The following KANK1 variants were observed in gnomAD, a reference collection of about 807,000 sequenced individuals.
KANK1 encodes the protein KN motif and ankyrin repeat domains 1.
In KANK1, 109 loss-of-function variants were observed where a neutral mutation model predicts 106.2. The ratio of observed to expected loss-of-function variants is 1.03; its 90% CI spans 0.88 to 1.20. KANK1 has a LOEUF of 1.20. Ranked by LOEUF, KANK1 falls within the 50% of genes most tolerant of loss-of-function variation. The probability of loss-of-function intolerance (pLI) is 0.00; values close to 1 mark genes in which losing one functional copy is unlikely to be tolerated. For missense variants in KANK1, 2,399 were observed against 1,710.7 expected, an observed-to-expected ratio of 1.40 and a Z score of -7.10; for synonymous variants, 873 against 652.2, an observed-to-expected ratio of 1.34 and a Z score of -5.16.
intron 7 of KANK1, chr9:735,751 C>T (rs770336765): frequency 2.5e-5 from 11 of 438,368 alleles, no homozygotes; most frequent in African/African-American, 1.4e-4. Flanking sequence ...CCCAACACTT[C>T]GGGAGGCCGA....
At chr9:732,702 A>G in intron 6 of KANK1, 85 bp downstream of exon 6, 2 of 1,472,324 alleles carry the variant, frequency 1.4e-6, no homozygotes, top group Non-Finnish European at 1.9e-6. Flanking sequence ...GAGCTTTTGT[A>G]ATTAAATGTT....
rs553214010 is a variant in KANK1, at chr9:551,397, T to A, written c.-84+46643T>A. Among the ~76,000 whole-genome samples, 67 of 152,188 alleles carry A rather than the reference T, an allele frequency of 4.4e-4. No homozygotes were observed. In the South Asian group the frequency reaches 0.013, roughly 29 times the overall value. On this transcript the variant is annotated intron_variant, in intron 1 of 11. Coordinates refer to ENST00000382297, the MANE Select transcript of KANK1 (RefSeq NM_015158.5). ...TTTTGAATCTGAAGTTAGCTGTCAGTTTAAATTCAGAGGGTCCGCAGTTGT... is the reference window on the plus strand; with the variant it reads ...TTTTGAATCTGAAGTTAGCTGTCAGATTAAATTCAGAGGGTCCGCAGTTGT...
At chr9:566,689 T>G (rs1414478301) in intron 1 of KANK1, among the ~76,000 whole-genome samples, 1 of 152,204 alleles carries the variant, frequency 6.6e-6, no homozygotes, top group Non-Finnish European at 1.5e-5. Flanking sequence ...TGCCTTTGCC[T>G]ACTTTTTAAT....
intron 7 of KANK1, among the ~76,000 whole-genome samples, chr9:737,642 C>T (rs1384027435): frequency 6.6e-6 from 1 of 152,080 alleles, no homozygotes; most frequent in Non-Finnish European, 1.5e-5. Context: ...ACGGGGTTCC[C>T]TTTTATTTTC....
At chr9:644,168 A>G (rs1307139287) in intron 1 of KANK1, among the ~76,000 whole-genome samples, 1 of 150,938 alleles carries the variant, frequency 6.6e-6, no homozygotes, top group Non-Finnish European at 1.5e-5. Context: ...AATCTCTATA[A>G]CAGAGGAAGC....
At chr9:637,592 C>G (rs1435645240) in intron 1 of KANK1, among the ~76,000 whole-genome samples, 1 of 152,112 alleles carries the variant, frequency 6.6e-6, no homozygotes, top group Non-Finnish European at 1.5e-5. Flanking sequence ...TGTTAAGTTC[C>G]CAGATGATGC....
At chr9:609,425 C>T (rs1328139371) in intron 1 of KANK1, among the ~76,000 whole-genome samples, 67 of 152,160 alleles carry the variant, frequency 4.4e-4, no homozygotes, top group African/African-American at 1.5e-3. Context: ...GTCAGGAGTT[C>T]AAAACCAGCC....
chr9:570,500 C>G (rs140680695), intron 1 of KANK1, among the ~76,000 whole-genome samples: 247 of 152,286 alleles, frequency 1.6e-3, no homozygotes, highest in African/African-American at 5.6e-3. Context: ...CTCTGAGGTA[C>G]TCTTACCAGA....
intron 1 of KANK1, among the ~76,000 whole-genome samples, chr9:608,542 C>T (rs1485817617): frequency 6.6e-6 from 1 of 151,824 alleles, no homozygotes; most frequent in Non-Finnish European, 1.5e-5. Context: ...AGGGCATTTA[C>T]ATGTGGGAAC....
chr9:732,408 C>T lies in KANK1; in HGVS notation c.3036C>T (p.Ser1012=). The T allele has an allele frequency of 6.2e-7, 1 of 1,614,010 alleles. No individual in the cohort carries two copies. Among genetic ancestry groups the T allele is most frequent in the Non-Finnish European group, 8.5e-7 (1 of 1,179,888 alleles). The change falls in exon 6 of 12, where the codon AGC becomes AGT. Residue 1012 remains serine (S), a synonymous_variant. Transcript: ENST00000382297. ...AAACAACTTCAAGTGATGATTCCAG[C>T]TCAGATGAAAGCTCTTCTTCCGAGT... is the stretch of plus-strand genomic sequence containing the variant. The part of the protein sequence containing the change: ...GYETTSSDDS[S]SDESSSSESD...
chr9:693,742 GGCTTCCT>G (rs1358788790), intron 2 of KANK1: 1 of 985,208 alleles, frequency 1.0e-6, no homozygotes, highest in Non-Finnish European at 1.2e-6. Flanking sequence ...CCTGAGACCT[GGCTTCCT>G]GCTCGCTGAA....
At position 606,170 on chromosome 9, in the gene KANK1, C is replaced by CAG. The variant is rs1165533325; in HGVS notation, c.-83-70719_-83-70718insGA. 6.6e-5 allele frequency among the ~76,000 whole-genome samples: 10 copies of CAG among 150,742 alleles called. 1 individual carries two copies. Among genetic ancestry groups the CAG allele is most frequent in the African/African-American group, 2.5e-4 (10 of 40,516 alleles). On this transcript the variant is annotated intron_variant, in intron 1 of 11. Transcript: ENST00000382297. ...ACACACACACACACACACACACACA[C>CAG]ACACACACACACCACTCACACATAT...
intron 1 of KANK1, among the ~76,000 whole-genome samples, chr9:642,500 C>G (rs1324858564): frequency 6.6e-6 from 1 of 150,980 alleles, no homozygotes; most frequent in Non-Finnish European, 1.5e-5. Flanking sequence ...TTTTGCTAAT[C>G]TTGGTAGTGC....
intron 1 of KANK1, among the ~76,000 whole-genome samples, chr9:560,896 G>A (rs1816246831): frequency 6.6e-6 from 1 of 152,178 alleles, no homozygotes; most frequent in Non-Finnish European, 1.5e-5. Context: ...TAGAATGGGA[G>A]ACCTGGATCA....
chr9:489,033 A>G (rs2058338247), intron 3 of KANK1: 1 of 152,130 alleles, frequency 6.6e-6, no homozygotes, highest in Admixed American at 6.5e-5. Context: ...TGCTTGATCC[A>G]TTGTTTCTTA....
intron 1 of KANK1, among the ~76,000 whole-genome samples, chr9:633,734 C>T (rs1358501394): frequency 2.0e-5 from 3 of 152,182 alleles, no homozygotes; most frequent in Admixed American, 2.0e-4. Flanking sequence ...CTCATTGCAG[C>T]CCTGAACTCC....
chr9:510,170 A>C (rs1166098197), intron 1 of KANK1, among the ~76,000 whole-genome samples: 2 of 152,176 alleles, frequency 1.3e-5, no homozygotes, highest in Admixed American at 6.5e-5. Flanking sequence ...ATTGGGTTAA[A>C]TTGCAATTCT....
At chr9:574,702 A>G (rs1820088470) in intron 1 of KANK1, among the ~76,000 whole-genome samples, 1 of 151,848 alleles carries the variant, frequency 6.6e-6, no homozygotes, top group Non-Finnish European at 1.5e-5. Flanking sequence ...TAAAAATACA[A>G]AAATTAGCCA....
chr9:523,371 C>T (rs1316640428), intron 1 of KANK1, among the ~76,000 whole-genome samples: 6 of 151,802 alleles, frequency 4.0e-5, no homozygotes, highest in Middle Eastern at 3.4e-3. Context: ...GAATCTGCAT[C>T]GTCCTCCCTC....
Sources: gnomAD v4.1 joint callset for allele counts (sites outside exome capture counted in the v4.1 genomes callset) on GRCh38, gnomAD v4.1.1 for gene constraint, MANE v1.5 for transcripts, NCBI Gene and HGNC (gene_info 2026-07-23, HGNC 2026-07-21) for gene names.